Variants in RNF135 observed in about 807,000 individuals in gnomAD.
The protein encoded by RNF135 is ring finger protein 135.
RNF135 carries 46 observed loss-of-function variants against 41.9 expected under a neutral mutation model. The ratio of observed to expected loss-of-function variants is 1.10; its 90% CI spans 0.87 to 1.40. The LOEUF (loss-of-function observed/expected upper bound fraction) is 1.40. Ranked by LOEUF, RNF135 falls within the 40% of genes most tolerant of loss-of-function variation. The probability of loss-of-function intolerance (pLI) is 0.00; values close to 1 mark genes in which losing one functional copy is unlikely to be tolerated. For missense variants in RNF135, 539 were observed against 549.8 expected (o/e 0.98, Z 0.20); for synonymous variants, 238 against 223.8 (o/e 1.06, Z -0.57).
At chr17:30,997,368 T>A in intron 4 of RNF135, 37 bp downstream of exon 4, 1 of 1,569,530 alleles carries the variant, frequency 6.4e-7, no homozygotes, top group South Asian at 1.1e-5. Flanking sequence ...GGGTTTGGCT[T>A]GCCGCAGAGC....
chr17:30,968,524 T>C (rs1905650905), upstream of RNF135, among the ~76,000 whole-genome samples: 1 of 151,548 alleles, frequency 6.6e-6, no homozygotes, highest in Admixed American at 6.6e-5. Flanking sequence ...TAGCTGGGAC[T>C]ACAGGCTCCC....
intron 1 of RNF135, among the ~76,000 whole-genome samples, chr17:30,983,353 A>ATATATATATATATTTTT (rs1420453160): frequency 1.2e-3 from 43 of 35,714 alleles, no homozygotes; most frequent in Non-Finnish European, 1.9e-3. Context: ...ATATATATAT[A>ATATATATATATATTTTT]TTTTTTTTTT....
At chr17:30,970,912 T>C (rs1905835911), upstream of RNF135, 3 of 1,027,016 alleles carry the variant, frequency 2.9e-6, no homozygotes. Context: ...TAAGTCTGTT[T>C]TCAGCAGGAT....
chr17:30,980,460 C>T (rs1907020594), intron 1 of RNF135, among the ~76,000 whole-genome samples: 1 of 133,444 alleles, frequency 7.5e-6, no homozygotes, highest in Admixed American at 7.1e-5. Flanking sequence ...GGCAGAGGAG[C>T]CCCTCACCTC....
At chr17:30,998,483 G>C (rs1373045921) in intron 4 of RNF135, among the ~76,000 whole-genome samples, 179 bp from the exon 5 acceptor site, 1 of 152,196 alleles carries the variant, frequency 6.6e-6, no homozygotes, top group Non-Finnish European at 1.5e-5. Flanking sequence ...AAGGTAGTTA[G>C]CATATCTATC....
chr17:30,998,134 C>T (rs550334441), intron 4 of RNF135, among the ~76,000 whole-genome samples: 2 of 152,320 alleles, frequency 1.3e-5, no homozygotes, highest in East Asian at 1.9e-4. Flanking sequence ...TGGTCTTGAC[C>T]TCCTGGCCTC....
chr17:30,959,861 A>AT, the RNF135 span: 1 of 152,112 alleles, frequency 6.6e-6, no homozygotes, highest in Non-Finnish European at 1.5e-5. Context: ...AAAAAAGAAA[A>AT]TAGCTAGGCA....
intron 2 of RNF135, among the ~76,000 whole-genome samples, chr17:30,987,101 A>G (rs2142713049): frequency 6.6e-6 from 1 of 152,324 alleles, no homozygotes; most frequent in Middle Eastern, 3.4e-3. Flanking sequence ...GGGGAAGAAC[A>G]GGACCTGAGG....
intron 1 of RNF135, chr17:30,979,303 T>G (rs1454530547): frequency 9.1e-6 from 1 of 110,006 alleles, no homozygotes. Flanking sequence ...CACTTCCCAG[T>G]AGGGGCGGCC....
intron 3 of RNF135, among the ~76,000 whole-genome samples, chr17:30,989,049 T>C (rs993196796): frequency 1.2e-4 from 17 of 139,876 alleles, no homozygotes; most frequent in Non-Finnish European, 4.7e-5. Context: ...CGTGAGCCAC[T>C]GCACCTGGCT....
At chr17:30,991,280 T>G (rs1907967411) in intron 3 of RNF135, among the ~76,000 whole-genome samples, 1 of 152,072 alleles carries the variant, frequency 6.6e-6, no homozygotes, top group Non-Finnish European at 1.5e-5. Flanking sequence ...GGTGAATTGC[T>G]TGAACCCGGG....
intron 1 of RNF135, among the ~76,000 whole-genome samples, chr17:30,973,789 G>A (rs981879751): frequency 6.6e-6 from 1 of 152,080 alleles, no homozygotes; most frequent in South Asian, 2.1e-4. Context: ...TATGGTTTTA[G>A]CTTACGTTTA....
chr17:30,997,399 A>G lies in RNF135; in HGVS notation c.769+68A>G, dbSNP rs1343794441. 7 of 1,318,320 alleles carry G rather than the reference A, an allele frequency of 5.3e-6. No homozygotes were observed. In the African/African-American group the frequency reaches 8.7e-5, roughly 16 times the overall value. 81.7% of individuals were successfully genotyped at this position (1,318,320 alleles called of 1,614,324 possible). Reference sequence around the variant, plus strand: ...AGAGCGGGCTTCGAGAATATCCTACATCCATCTCCCTACTGCTAGGGCCAC... The same window carrying G: ...AGAGCGGGCTTCGAGAATATCCTACGTCCATCTCCCTACTGCTAGGGCCAC... On this transcript the variant is annotated intron_variant, in intron 4 of 4. Coordinates refer to ENST00000328381, the MANE Select transcript of RNF135 (RefSeq NM_032322.4).
At position 30,988,416 on chromosome 17, in the gene RNF135, A is replaced by ATTT. The variant is rs56955275; in HGVS notation, c.679+337_679+339dup. On this transcript the variant is annotated intron_variant, in intron 3 of 4. Coordinates refer to ENST00000328381, the MANE Select transcript of RNF135 (RefSeq NM_032322.4). Reference sequence around the variant, plus strand: ...GAGATTCTGAAATAGGCCACTTTTAATTTTTTTTTTTTTTTTTTTTTTTTT... The same window carrying ATTT: ...GAGATTCTGAAATAGGCCACTTTTAATTTTTTTTTTTTTTTTTTTTTTTTTTTT... Among the ~76,000 whole-genome samples, 163 of 81,894 alleles carry ATTT rather than the reference A, an allele frequency of 2.0e-3. 9 individuals carry two copies. The highest frequency in any genetic ancestry group is 2.5e-3 in the Admixed American group (18 of 7,162). 53.7% of individuals were successfully genotyped at this position (81,894 alleles called of 152,430 possible). A position where few individuals can be genotyped will look rare whatever the true frequency, so the allele number is the denominator to read the frequency against.
chr17:30,982,599 T>C (rs890252009), intron 1 of RNF135, among the ~76,000 whole-genome samples: 1 of 152,172 alleles, frequency 6.6e-6, no homozygotes, highest in Non-Finnish European at 1.5e-5. Flanking sequence ...TTTTTGGTTC[T>C]TATGAAGGTG....
the RNF135 span, among the ~76,000 whole-genome samples, chr17:30,960,577 G>A: frequency 6.6e-6 from 1 of 151,814 alleles, no homozygotes; most frequent in Non-Finnish European, 1.5e-5. Context: ...GAACAGTTAT[G>A]TCACACCCCA....
intron 1 of RNF135, chr17:30,975,728 C>T: frequency 7.2e-7 from 1 of 1,394,848 alleles, no homozygotes; most frequent in South Asian, 1.2e-5. Context: ...CAACACTGCT[C>T]ACCTGATTGG....
rs1279110318 is a variant in RNF135 at position 30,971,393 on chromosome 17, G to A, written c.320G>A (p.Ser107Asn). The A allele has an allele frequency of 9.8e-6, 15 of 1,523,654 alleles. No individual in the cohort carries two copies. The highest frequency in any genetic ancestry group is 2.0e-5 in the Admixed American group (1 of 49,892). The allele number at this position is 1,523,654 out of a possible 1,614,324, so 94.4% of individuals were successfully genotyped here. A position where few individuals can be genotyped will look rare whatever the true frequency, so the allele number is the denominator to read the frequency against. Residue 107 changes from serine to asparagine, a missense_variant, in exon 1 of 5, where the codon AGT (serine) becomes AAT (asparagine). Ser to Asn is a conservative substitution (Grantham distance 46). Coordinates refer to ENST00000328381, the MANE Select transcript of RNF135 (RefSeq NM_032322.4). ...DPAHCPCPGSSSLSSAAARPR... is the reference protein window; with the variant it reads ...DPAHCPCPGSNSLSSAAARPR... ...GCCCACTGCCCCTGCCCGGGCTCCA[G>A]TTCCCTCTCCAGCGCGGCCGCGAGG...
At chr17:30,964,761 T>C in the RNF135 span, among the ~76,000 whole-genome samples, 1 of 151,576 alleles carries the variant, frequency 6.6e-6, no homozygotes, top group Non-Finnish European at 1.5e-5. Context: ...CTCGGCTCAC[T>C]GCAACCTCCA....
Sources: allele counts gnomAD v4.1 joint callset (sites outside exome capture counted in the v4.1 genomes callset), GRCh38; gene constraint gnomAD v4.1.1; transcripts MANE v1.5; gene names NCBI Gene and HGNC (gene_info 2026-07-23, HGNC 2026-07-21).